C8orf34: variants seen among roughly 807,000 people sequenced by gnomAD.
The protein encoded by C8orf34 is uncharacterized protein C8orf34.
In C8orf34, 65 loss-of-function variants were observed where a neutral mutation model predicts 68.3. The observed-to-expected ratio is 0.95, with a 90% confidence interval of 0.78 to 1.17. The LOEUF is 1.17. Ranked by LOEUF, C8orf34 falls within the 50% of genes most tolerant of loss-of-function variation. The pLI, the probability that C8orf34 is intolerant of heterozygous loss-of-function variation, is 0.00. For missense variants in C8orf34, 664 were observed against 655.4 expected, an observed-to-expected ratio of 1.01 and a Z score of -0.14; for synonymous variants, 244 against 241.2, an observed-to-expected ratio of 1.01 and a Z score of -0.11.
intron 5 of C8orf34, among the ~76,000 whole-genome samples, chr8:68,517,731 C>T (rs1317133139): frequency 1.3e-5 from 2 of 152,188 alleles, no homozygotes; most frequent in African/African-American, 4.8e-5. Flanking sequence ...CACTCTTTGG[C>T]TTACAGTGCC....
At chr8:68,717,761 A>G (rs920265469) in intron 9 of C8orf34, among the ~76,000 whole-genome samples, 3 of 152,186 alleles carry the variant, frequency 2.0e-5, no homozygotes, top group Non-Finnish European at 4.4e-5. Context: ...ATATTAGGTA[A>G]TAAATATTAA....
chr8:68,748,064 C>A (rs1218635095), intron 10 of C8orf34, among the ~76,000 whole-genome samples: 2 of 149,304 alleles, frequency 1.3e-5, no homozygotes, highest in South Asian at 2.1e-4. Flanking sequence ...CACAACAGAG[C>A]CCTCAGAAAT....
chr8:68,406,524 T>G (rs1029339757), intron 1 of C8orf34, among the ~76,000 whole-genome samples: 3 of 151,488 alleles, frequency 2.0e-5, no homozygotes, highest in African/African-American at 4.9e-5. Flanking sequence ...AGAGAGAGAG[T>G]CTTGCTCTGT....
At position 68,479,851 on chromosome 8, in the gene C8orf34, T is replaced by C. The variant is rs368341169; in HGVS notation, c.737-8172T>C. Among the ~76,000 whole-genome samples the C allele has an allele frequency of 1.4e-4, 22 of 152,350 alleles. No individual in the cohort carries two copies. In the East Asian group the frequency reaches 3.1e-3, roughly 21 times the overall value. ...GGTTAATCAAGGATGAAAATTGGTA[T>C]GTGCTTCTAGAGCAGGGCTCAGCAA... On this transcript the variant is annotated intron_variant, in intron 4 of 13. Coordinates refer to ENST00000518698, the MANE Select transcript of C8orf34 (RefSeq NM_052958.4).
At position 68,332,394 on chromosome 8, in the gene C8orf34, C is replaced by T. The variant is rs1309156763; in HGVS notation, c.327+1055C>T. 2.1e-5 allele frequency among the ~76,000 whole-genome samples: 3 copies of T among 144,414 alleles called. No individual in the cohort carries two copies. In the East Asian group the frequency reaches 6.7e-4, roughly 32 times the overall value. The allele number at this position is 144,414 out of a possible 152,430, so 94.7% of individuals were successfully genotyped here. ...TTGCCCCCGCCTTGCCCCCGCCCCC[C>T]ACGTCTCCCAGAAGCAGTTGTAGCT... On this transcript the variant is annotated intron_variant, in intron 1 of 13. Coordinates refer to ENST00000518698, the MANE Select transcript of C8orf34 (RefSeq NM_052958.4).
chr8:68,511,792 G>T (rs1018820762), intron 5 of C8orf34, among the ~76,000 whole-genome samples: 1 of 152,080 alleles, frequency 6.6e-6, no homozygotes, highest in Non-Finnish European at 1.5e-5. Context: ...TCCAAATTTT[G>T]TTTGTAAGAG....
intron 1 of C8orf34, among the ~76,000 whole-genome samples, chr8:68,419,931 A>T (rs1028698716): frequency 1.3e-5 from 2 of 150,874 alleles, no homozygotes; most frequent in African/African-American, 4.9e-5. Context: ...ATACATATGT[A>T]ACTAACCTGC....
At chr8:68,678,623 C>T (rs1418730244) in intron 8 of C8orf34, among the ~76,000 whole-genome samples, 2 of 151,840 alleles carry the variant, frequency 1.3e-5, no homozygotes, top group African/African-American at 4.8e-5. Flanking sequence ...TTGACAGACC[C>T]ACAGCTAGTA....
At chr8:68,336,071 A>G (rs777701064) in intron 1 of C8orf34, among the ~76,000 whole-genome samples, 12 of 152,106 alleles carry the variant, frequency 7.9e-5, no homozygotes, top group Non-Finnish European at 1.3e-4. Flanking sequence ...TGGGCAACAG[A>G]GGGAGACCCC....
At chr8:68,366,249 G>T in intron 1 of C8orf34, among the ~76,000 whole-genome samples, 1 of 104,696 alleles carries the variant, frequency 9.6e-6, no homozygotes, top group East Asian at 2.7e-4. Flanking sequence ...AATAAAAGAG[G>T]ATACAAACAA....
intron 1 of C8orf34, among the ~76,000 whole-genome samples, chr8:68,423,102 T>C (rs1490054795): frequency 6.6e-6 from 1 of 152,222 alleles, no homozygotes; most frequent in Admixed American, 6.5e-5. Flanking sequence ...AGATATTTTT[T>C]CCCATTGTCT....
intron 3 of C8orf34, among the ~76,000 whole-genome samples, chr8:68,451,464 C>T (rs1025067626): frequency 6.6e-6 from 1 of 152,128 alleles, no homozygotes; most frequent in Non-Finnish European, 1.5e-5. Flanking sequence ...TCATTTCTAT[C>T]TTTTGCAGAG....
At chr8:68,606,163 G>A (rs1046769504) in intron 7 of C8orf34, among the ~76,000 whole-genome samples, 58 of 152,052 alleles carry the variant, frequency 3.8e-4, no homozygotes, top group Admixed American at 2.8e-3. Flanking sequence ...ACCAAACCAT[G>A]ATCATTTGTA....
chr8:68,567,643 G>A (rs1816635313), intron 7 of C8orf34, among the ~76,000 whole-genome samples: 1 of 121,622 alleles, frequency 8.2e-6, no homozygotes, highest in Non-Finnish European at 1.6e-5. Flanking sequence ...CGCCCAGGCT[G>A]GAGTGCAGTC....
At chr8:68,500,763 C>T (rs962060282) in intron 5 of C8orf34, among the ~76,000 whole-genome samples, 1 of 152,064 alleles carries the variant, frequency 6.6e-6, no homozygotes, top group Non-Finnish European at 1.5e-5. Flanking sequence ...ATTACATTAA[C>T]CATTAACATT....
chr8:68,757,763 C>A (rs939512198), intron 10 of C8orf34, among the ~76,000 whole-genome samples: 1 of 152,112 alleles, frequency 6.6e-6, no homozygotes, highest in Non-Finnish European at 1.5e-5. Flanking sequence ...GTAAACATAA[C>A]GTACAATGGA....
intron 8 of C8orf34, among the ~76,000 whole-genome samples, chr8:68,698,977 A>G (rs944095707): frequency 6.6e-6 from 1 of 152,228 alleles, no homozygotes; most frequent in East Asian, 1.9e-4. Context: ...GCCTCCTTCC[A>G]TAGCTATAAA....
At chr8:68,416,862 A>T (rs978022960) in intron 1 of C8orf34, among the ~76,000 whole-genome samples, 14 of 152,078 alleles carry the variant, frequency 9.2e-5, no homozygotes, top group Non-Finnish European at 1.6e-4. Flanking sequence ...TATGTCTATT[A>T]TCTGTAAATA....
At chr8:68,538,190 A>G (rs1815558877) in intron 7 of C8orf34, among the ~76,000 whole-genome samples, 1 of 152,156 alleles carries the variant, frequency 6.6e-6, no homozygotes, top group Admixed American at 6.5e-5. Flanking sequence ...AACATAGAAT[A>G]ATATATTTTT....
Sources: allele counts gnomAD v4.1 joint callset (sites outside exome capture counted in the v4.1 genomes callset), GRCh38; gene constraint gnomAD v4.1.1; transcripts MANE v1.5; gene names NCBI Gene and HGNC (gene_info 2026-07-23, HGNC 2026-07-21).